Variants in TRAF3IP1 observed in about 807,000 individuals in gnomAD.
TRAF3IP1 encodes the protein intraflagellar transport 54, also known as TRAF3-interacting protein 1.
TRAF3IP1 carries 53 observed loss-of-function variants against 89.9 expected under a neutral mutation model. The observed-to-expected ratio is 0.59, with a 90% confidence interval of 0.47 to 0.74. TRAF3IP1 has a LOEUF of 0.74. Ranked by LOEUF, TRAF3IP1 falls within the 30% of genes least tolerant of loss-of-function variation. TRAF3IP1 has a pLI of 0.00. For synonymous variants in TRAF3IP1, 311 were observed against 322.1 expected (o/e 0.97, Z 0.37); for missense variants, 806 against 866.1 (o/e 0.93, Z 0.87).
chr2:238,380,608 T>C (rs1321340461), intron 15 of TRAF3IP1, among the ~76,000 whole-genome samples: 1 of 152,120 alleles, frequency 6.6e-6, no homozygotes, highest in African/African-American at 2.4e-5. Flanking sequence ...TTCCAGGCTG[T>C]TGTGGAAGAA....
intron 5 of TRAF3IP1, among the ~76,000 whole-genome samples, chr2:238,329,975 G>A (rs545480420): frequency 7.0e-4 from 106 of 152,276 alleles, no homozygotes; most frequent in African/African-American, 2.3e-3. Flanking sequence ...AGAAATCAAC[G>A]TTTTTCAGAG....
At chr2:238,396,056 G>A (rs934755217) in intron 15 of TRAF3IP1, among the ~76,000 whole-genome samples, 1 of 152,140 alleles carries the variant, frequency 6.6e-6, no homozygotes, top group African/African-American at 2.4e-5. Flanking sequence ...TATAAATCAT[G>A]CTGCTATAAA....
chr2:238,321,321 C>T (rs1425017662), intron 1 of TRAF3IP1, among the ~76,000 whole-genome samples: 1 of 152,226 alleles, frequency 6.6e-6, no homozygotes. Flanking sequence ...AAGTATGTAG[C>T]ACGTGGAAGG....
intron 15 of TRAF3IP1, among the ~76,000 whole-genome samples, chr2:238,385,024 A>C (rs546516594): frequency 1.7e-4 from 26 of 149,872 alleles, no homozygotes; most frequent in Admixed American, 2.0e-4. Flanking sequence ...TTCTTTCTTT[A>C]TTTTTTTTTG....
intron 14 of TRAF3IP1, among the ~76,000 whole-genome samples, chr2:238,354,891 C>T (rs186317640): frequency 2.6e-5 from 4 of 151,716 alleles, no homozygotes; most frequent in Admixed American, 6.6e-5. Context: ...ACCTTGTGAT[C>T]GGCCCCCTTG....
chr2:238,330,180 G>A (rs1698051102), intron 5 of TRAF3IP1, among the ~76,000 whole-genome samples: 1 of 152,214 alleles, frequency 6.6e-6, no homozygotes, highest in Admixed American at 6.5e-5. Context: ...GTCTTTAGGA[G>A]CATGGACATT....
At chr2:238,348,633 C>T in intron 10 of TRAF3IP1, 131 bp from the exon 11 acceptor site, 1 of 707,678 alleles carries the variant, frequency 1.4e-6, no homozygotes, top group Non-Finnish European at 2.3e-6. Flanking sequence ...GGAAAAATTG[C>T]TCATTTGTAT....
Position 238,351,253 on chromosome 2 carries a change from C to G in TRAF3IP1, c.1452-1574C>G, listed in dbSNP as rs1278327131. ...GATCATTTCTCAATACTTGAAATCA[C>G]AAGTAAGACAGGAGCACCGTTGGTG... On this transcript the variant is annotated intron_variant, in intron 12 of 16. Transcript: ENST00000373327. The surrounding 1 kb of genome is among the most constrained non-coding windows in gnomAD (Gnocchi z 5.2). 6.6e-6 allele frequency among the ~76,000 whole-genome samples: 1 copy of G among 152,036 alleles called. No homozygotes were observed. The highest frequency in any genetic ancestry group is 2.4e-5 in the African/African-American group (1 of 41,358).
intron 8 of TRAF3IP1, among the ~76,000 whole-genome samples, chr2:238,340,131 C>T (rs1698570135): frequency 6.6e-6 from 1 of 152,188 alleles, no homozygotes. Context: ...TGTCTTTCTC[C>T]TCCCCCCGAC....
In TRAF3IP1 at chr2:238,352,230, G is replaced by A. The variant is rs192208729; in HGVS notation, c.1452-597G>A. ...GGGCTGGAGGGCCAGGCTGTTGGAC[G>A]CTGACTTGCCCAGAATGATGTGGAC... On this transcript the variant is annotated intron_variant, in intron 12 of 16. Coordinates refer to ENST00000373327, the MANE Select transcript of TRAF3IP1 (RefSeq NM_015650.4). Among the ~76,000 whole-genome samples, 5 of 152,048 alleles carry A rather than the reference G, an allele frequency of 3.3e-5. No homozygotes were observed. The East Asian group carries it at 9.8e-4, about 30-fold the overall frequency.
chr2:238,362,390 C>T (rs1355279258), intron 15 of TRAF3IP1, among the ~76,000 whole-genome samples: 1 of 152,052 alleles, frequency 6.6e-6, no homozygotes, highest in Non-Finnish European at 1.5e-5. Flanking sequence ...ACATTAGTGG[C>T]GTAAATGAAG....
At chr2:238,350,624 T>TA (rs1699107334) in intron 12 of TRAF3IP1, among the ~76,000 whole-genome samples, 1 of 151,714 alleles carries the variant, frequency 6.6e-6, no homozygotes, top group African/African-American at 2.4e-5. Flanking sequence ...GGGGAGGGGT[T>TA]AGGGCAGGGC....
chr2:238,347,875 C>T (rs1022815480), intron 10 of TRAF3IP1, among the ~76,000 whole-genome samples: 2 of 152,154 alleles, frequency 1.3e-5, no homozygotes, highest in African/African-American at 4.8e-5. Context: ...GATCCACCTG[C>T]CTCGGCCTCC....
Position 238,325,373 on chromosome 2 carries a change from A to T in TRAF3IP1, c.191A>T (p.Lys64Met), listed in dbSNP as rs1299303838. 13 of 1,614,168 alleles carry T rather than the reference A, an allele frequency of 8.1e-6. No individual in the cohort carries two copies. The highest frequency in any genetic ancestry group is 1.1e-5 in the Non-Finnish European group (13 of 1,180,032). ...TDAEMKSDNV[K>M]DKDAKISFLQ... ...GCCGAGATGAAGTCTGATAATGTGA[A>T]GGTGGGTTTGAGTCGGGCTTCTCCT... Residue 64 changes from lysine to methionine, a missense_variant and splice_region_variant, in exon 2 of 17, where the codon AAG (lysine) becomes ATG (methionine). By Grantham distance (95) the Lys-to-Met change is moderately conservative (BLOSUM62 -1). Coordinates refer to ENST00000373327, the MANE Select transcript of TRAF3IP1 (RefSeq NM_015650.4).
At position 238,379,104 on chromosome 2, in the gene TRAF3IP1, G is replaced by A. The variant is rs1470312276; in HGVS notation, c.1690-18355G>A. ...CCCAGACTTGTTCTCCTTGTTTCCT[G>A]TCGACTCACTCTTTGGTCGTCTGTG... On this transcript the variant is annotated intron_variant, in intron 15 of 16. Transcript: ENST00000373327. This position sits in a 1 kb window ranked among gnomAD's most constrained non-coding sequence, Gnocchi z 4.0. Among the ~76,000 whole-genome samples the A allele has an allele frequency of 1.3e-5, 2 of 152,134 alleles. No individual in the cohort carries two copies. The highest frequency in any genetic ancestry group is 4.8e-5 in the African/African-American group (2 of 41,434).
In TRAF3IP1 at chr2:238,379,348, GC is replaced by G. The variant is rs1700453228; in HGVS notation, c.1690-18110del. Reference sequence around the variant, plus strand: ...AGCATTGGTCACTGACTGAGACCATGCGACTGACTGAGACCATGCAGCTGGC... The same window carrying G: ...AGCATTGGTCACTGACTGAGACCATGGACTGACTGAGACCATGCAGCTGGC... On this transcript the variant is annotated intron_variant, in intron 15 of 16. Coordinates refer to ENST00000373327, the MANE Select transcript of TRAF3IP1 (RefSeq NM_015650.4). The surrounding 1 kb of genome is among the most constrained non-coding windows in gnomAD (Gnocchi z 4.0). Among the ~76,000 whole-genome samples, 1 of 152,216 alleles carries G rather than the reference GC, an allele frequency of 6.6e-6. No homozygotes were observed. Among genetic ancestry groups the G allele is most frequent in the South Asian group, 2.1e-4 (1 of 4,836 alleles).
intron 15 of TRAF3IP1, among the ~76,000 whole-genome samples, chr2:238,378,568 A>C (rs1700416042): frequency 6.6e-6 from 1 of 152,256 alleles, no homozygotes; most frequent in Admixed American, 6.5e-5. Flanking sequence ...GACATTTAAA[A>C]ATAGAACTTC....
chr2:238,344,446 G>T (rs780189500), intron 8 of TRAF3IP1, 51 bp from the exon 9 acceptor site: 15 of 1,427,050 alleles, frequency 1.1e-5, no homozygotes, highest in African/African-American at 1.4e-5. Context: ...GCTGATCACC[G>T]GCCCTTTGGT....
At chr2:238,386,006 C>T (rs767736932) in intron 15 of TRAF3IP1, among the ~76,000 whole-genome samples, 20 of 152,030 alleles carry the variant, frequency 1.3e-4, no homozygotes, top group Non-Finnish European at 2.5e-4. Context: ...ACATTTTATT[C>T]GGGAAGAAAG....
Sources: allele counts gnomAD v4.1 joint callset (sites outside exome capture counted in the v4.1 genomes callset), GRCh38; gene constraint gnomAD v4.1.1; non-coding constraint Gnocchi (gnomAD v3.1); transcripts MANE v1.5; gene names NCBI Gene and HGNC (gene_info 2026-07-23, HGNC 2026-07-21).